The following ZNF385D variants were observed in gnomAD, a reference collection of about 807,000 sequenced individuals.
The protein encoded by ZNF385D is zinc finger protein 385D.
A neutral mutation model predicts 35.8 loss-of-function variants in ZNF385D; 15 were observed. The observed-to-expected ratio is 0.42, with a 90% CI of 0.28 to 0.64. The LOEUF is 0.64. Among genes scored for constraint, ZNF385D ranks in the 30% least tolerant of loss-of-function variants. The pLI is 0.23. For missense variants in ZNF385D, 474 were observed against 494.6 expected, an observed-to-expected ratio of 0.96 and a Z score of 0.39; for synonymous variants, 212 against 186.8, an observed-to-expected ratio of 1.13 and a Z score of -1.10.
chr3:22,197,944 G>A lies in ZNF385D; in HGVS notation c.107-28909C>T, dbSNP rs528918931. On this transcript the variant is annotated intron_variant, in intron 2 of 5. Coordinates refer to the ZNF385D transcript ENST00000494108. ...TGTAGCTTTCATAGCTGTGTGGAGG[G>A]AAGACTGGCTTCATACAACCACTTT... is the stretch of plus-strand genomic sequence containing the variant. 1.7e-3 allele frequency among the ~76,000 whole-genome samples: 252 copies of A among 152,182 alleles called. 1 individual carries two copies. The Middle Eastern group carries it at 0.017, about 10-fold the overall frequency.
intron 1 of ZNF385D, among the ~76,000 whole-genome samples, chr3:21,692,231 G>C (rs1161549749): frequency 1.3e-5 from 2 of 152,166 alleles, no homozygotes; most frequent in African/African-American, 4.8e-5. Context: ...GGGAGGTTAA[G>C]GAACTTGTTC....
At chr3:21,425,346 G>A (rs1700970700) in intron 6 of ZNF385D, 146 bp downstream of exon 6, 1 of 685,900 alleles carries the variant, frequency 1.5e-6, no homozygotes, top group Non-Finnish European at 2.2e-6. Flanking sequence ...GAAGATAAGT[G>A]GGTTAACAGA....
At chr3:22,364,025 C>A (rs1696536958) in intron 2 of ZNF385D, among the ~76,000 whole-genome samples, 1 of 152,058 alleles carries the variant, frequency 6.6e-6, no homozygotes, top group Non-Finnish European at 1.5e-5. Flanking sequence ...TATGGGGTTT[C>A]TACCTCTTGA....
intron 3 of ZNF385D, among the ~76,000 whole-genome samples, chr3:21,913,357 TC>T (rs1353692699): frequency 6.6e-6 from 1 of 152,074 alleles, no homozygotes; most frequent in Non-Finnish European, 1.5e-5. Flanking sequence ...CTGAAATAAC[TC>T]ATTAACAGAA....
intron 3 of ZNF385D, among the ~76,000 whole-genome samples, chr3:22,078,920 A>G (rs1359894595): frequency 6.6e-6 from 1 of 152,048 alleles, no homozygotes; most frequent in African/African-American, 2.4e-5. Flanking sequence ...ATGCTTTGTC[A>G]AAAAATGTGT....
intron 3 of ZNF385D, among the ~76,000 whole-genome samples, chr3:21,757,838 A>T (rs1384674272): frequency 6.6e-6 from 1 of 152,248 alleles, no homozygotes; most frequent in Non-Finnish European, 1.5e-5. Flanking sequence ...ACATAAAGGC[A>T]GAGACATGTA....
intron 2 of ZNF385D, among the ~76,000 whole-genome samples, chr3:22,190,264 G>T (rs1695925135): frequency 6.6e-6 from 1 of 152,128 alleles, no homozygotes; most frequent in South Asian, 2.1e-4. Flanking sequence ...CTGACATTCT[G>T]TCCATGATAT....
intron 2 of ZNF385D, among the ~76,000 whole-genome samples, chr3:22,190,361 A>G (rs552567930): frequency 6.6e-6 from 1 of 152,280 alleles, no homozygotes; most frequent in Non-Finnish European, 1.5e-5. Context: ...TACAAGAGAT[A>G]GTAAATAGGT....
At chr3:22,328,932 C>T (rs1473145966) in intron 2 of ZNF385D, among the ~76,000 whole-genome samples, 1 of 151,826 alleles carries the variant, frequency 6.6e-6, no homozygotes, top group Non-Finnish European at 1.5e-5. Flanking sequence ...AAAAAATTAG[C>T]TGGGCGTGGT....
At chr3:21,954,079 T>A (rs1702181366) in intron 3 of ZNF385D, among the ~76,000 whole-genome samples, 1 of 151,966 alleles carries the variant, frequency 6.6e-6, no homozygotes, top group South Asian at 2.1e-4. Flanking sequence ...AATCACAGCA[T>A]AAGTGCTGCC....
intron 2 of ZNF385D, chr3:22,372,322 G>A: frequency 1.3e-5 from 6 of 458,866 alleles, no homozygotes; most frequent in Non-Finnish European, 1.7e-5. Context: ...CGCCCATTCC[G>A]CGCCCCCCAT....
chr3:22,043,188 G>A (rs1413303918), intron 3 of ZNF385D, among the ~76,000 whole-genome samples: 1 of 152,078 alleles, frequency 6.6e-6, no homozygotes, highest in Non-Finnish European at 1.5e-5. Context: ...CAAAACAATA[G>A]CACTAAATTT....
intron 2 of ZNF385D, among the ~76,000 whole-genome samples, chr3:22,187,184 C>T (rs1475543620): frequency 6.6e-6 from 1 of 152,124 alleles, no homozygotes; most frequent in African/African-American, 2.4e-5. Flanking sequence ...TTCTTTGTTT[C>T]TTTGTTCAGT....
At chr3:22,166,909 T>C (rs1280405675) in intron 3 of ZNF385D, among the ~76,000 whole-genome samples, 4 of 152,256 alleles carry the variant, frequency 2.6e-5, no homozygotes, top group Non-Finnish European at 5.9e-5. Flanking sequence ...GAAAACAACT[T>C]GGAATTGAAT....
At chr3:21,472,937 T>G (rs980544420) in intron 4 of ZNF385D, among the ~76,000 whole-genome samples, 5 of 152,252 alleles carry the variant, frequency 3.3e-5, no homozygotes, top group African/African-American at 1.2e-4. Context: ...CTAAACTTAA[T>G]TTGTCTAGAG....
intron 3 of ZNF385D, among the ~76,000 whole-genome samples, chr3:22,099,414 T>C (rs1701807071): frequency 6.6e-6 from 1 of 152,092 alleles, no homozygotes; most frequent in Admixed American, 6.6e-5. Flanking sequence ...TTGTAATTAT[T>C]AGAACATTGT....
At chr3:21,611,721 A>G (rs1356308428) in intron 2 of ZNF385D, among the ~76,000 whole-genome samples, 2 of 152,132 alleles carry the variant, frequency 1.3e-5, no homozygotes, top group East Asian at 3.9e-4. Context: ...GTCAAGGGCC[A>G]ATGAATCATT....
chr3:22,219,453 AC>A (rs552565282), intron 2 of ZNF385D, among the ~76,000 whole-genome samples: 9 of 152,116 alleles, frequency 5.9e-5, no homozygotes, highest in Non-Finnish European at 1.2e-4. Flanking sequence ...ATATTTTACA[AC>A]CTATTCTCCA....
intron 2 of ZNF385D, among the ~76,000 whole-genome samples, chr3:21,654,909 G>A (rs913374132): frequency 6.6e-6 from 1 of 152,030 alleles, no homozygotes; most frequent in Non-Finnish European, 1.5e-5. Flanking sequence ...TTTACTAAGA[G>A]TAATTGTTCT....
Sources: allele counts gnomAD v4.1 joint callset (sites outside exome capture counted in the v4.1 genomes callset), GRCh38; gene constraint gnomAD v4.1.1; transcripts MANE v1.5; gene names NCBI Gene and HGNC (gene_info 2026-07-23, HGNC 2026-07-21).